The following PUM2 variants were observed in gnomAD, a reference collection of about 807,000 sequenced individuals.
PUM2 encodes pumilio RNA binding family member 2, also known as pumilio homolog 2.
PUM2 carries 57 observed loss-of-function variants against 124.5 expected under a neutral mutation model. That is an observed-to-expected ratio of 0.46 (90% CI 0.37 to 0.57). PUM2 has a LOEUF of 0.57. Among genes scored for constraint, PUM2 ranks in the 20% least tolerant of loss-of-function variants. PUM2 has a pLI of 0.00. For synonymous variants in PUM2, 460 were observed against 446.1 expected (o/e 1.03, Z -0.39); for missense variants, 1,065 against 1,290.6 (o/e 0.83, Z 2.68).
At chr2:20,277,536 A>G (rs1292313935) in intron 13 of PUM2, among the ~76,000 whole-genome samples, 1 of 152,150 alleles carries the variant, frequency 6.6e-6, no homozygotes, top group East Asian at 1.9e-4. Flanking sequence ...TGTGTGTGCA[A>G]TAATGTAAAT....
upstream of PUM2, among the ~76,000 whole-genome samples, chr2:20,351,061 C>G (rs1689287864): frequency 1.3e-5 from 2 of 152,198 alleles, no homozygotes; most frequent in Non-Finnish European, 1.5e-5. Context: ...CGGGCTCGCG[C>G]TTCCCTCCTG....
At chr2:20,259,075 G>A (rs575036998) in intron 15 of PUM2, among the ~76,000 whole-genome samples, 1 of 152,132 alleles carries the variant, frequency 6.6e-6, no homozygotes, top group Non-Finnish European at 1.5e-5. Context: ...GGAAAAAACT[G>A]TTAAAGTCAT....
rs1470322342 is a variant in PUM2 at position 20,313,860 on chromosome 2, A to AAC, written c.161-1438_161-1437insGT. ...CAAAAAAAAAAAAAAAAAAAAAAAAAGGCCAGGGGCAGTGACTCACTCCTG... is the reference window on the plus strand; with the variant it reads ...CAAAAAAAAAAAAAAAAAAAAAAAAAACGGCCAGGGGCAGTGACTCACTCCTG... On this transcript the variant is annotated intron_variant, in intron 3 of 20. Coordinates refer to ENST00000361078, the MANE Select transcript of PUM2 (RefSeq NM_015317.5). Among the ~76,000 whole-genome samples the AAC allele has an allele frequency of 1.1e-4, 16 of 143,196 alleles. 1 individual carries two copies. Among genetic ancestry groups the AAC allele is most frequent in the Middle Eastern group, 3.6e-3 (1 of 274 alleles). The allele number at this position is 143,196 out of a possible 152,430, so 93.9% of individuals were successfully genotyped here.
At chr2:20,300,500 GTTGCTGGGGGCCTTAGAATT>G (rs567256857) in intron 7 of PUM2, among the ~76,000 whole-genome samples, 491 of 152,266 alleles carry the variant, frequency 3.2e-3, no homozygotes, top group Middle Eastern at 6.8e-3. Context: ...CATTCAGATG[GTTGCTGGGGGCCTTAGAATT>G]TTATTTTGGT....
intron 2 of PUM2, among the ~76,000 whole-genome samples, chr2:20,325,409 C>A (rs1220629223): frequency 6.6e-6 from 1 of 152,088 alleles, no homozygotes; most frequent in Non-Finnish European, 1.5e-5. Flanking sequence ...TTTAACATAC[C>A]ATTCAACCCA....
At chr2:20,252,635 T>C (rs1395346569) in intron 20 of PUM2, among the ~76,000 whole-genome samples, 1 of 152,198 alleles carries the variant, frequency 6.6e-6, no homozygotes, top group African/African-American at 2.4e-5. Flanking sequence ...CTTTATAAGT[T>C]TTCCTGCTGC....
At chr2:20,281,069 A>C (rs1671396630) in intron 12 of PUM2, among the ~76,000 whole-genome samples, 1 of 152,156 alleles carries the variant, frequency 6.6e-6, no homozygotes, top group African/African-American at 2.4e-5. Context: ...AATTGCCATA[A>C]TGTGAAAAGG....
chr2:20,252,874 A>T (rs1187442157), intron 20 of PUM2, among the ~76,000 whole-genome samples: 2 of 152,222 alleles, frequency 1.3e-5, no homozygotes, highest in Admixed American at 1.3e-4. Flanking sequence ...AAATATTTTT[A>T]AAAATGACAA....
chr2:20,275,558 C>T (rs994368268), intron 13 of PUM2, among the ~76,000 whole-genome samples: 3 of 152,014 alleles, frequency 2.0e-5, no homozygotes, highest in Non-Finnish European at 4.4e-5. Context: ...TCAAAGGCTG[C>T]TAAAACCATT....
At chr2:20,286,916 G>C (rs929448610) in intron 10 of PUM2, among the ~76,000 whole-genome samples, 1 of 151,478 alleles carries the variant, frequency 6.6e-6, no homozygotes, top group Non-Finnish European at 1.5e-5. Context: ...GATCGTGCCT[G>C]ATCTCATCTG....
chr2:20,304,302 C>G (rs1280124880), intron 7 of PUM2, among the ~76,000 whole-genome samples: 2 of 152,160 alleles, frequency 1.3e-5, no homozygotes, highest in Non-Finnish European at 2.9e-5. Context: ...AGGAACTCTC[C>G]AACCAACTAC....
At chr2:20,320,353 G>A (rs1319142792) in intron 2 of PUM2, among the ~76,000 whole-genome samples, 2 of 152,106 alleles carry the variant, frequency 1.3e-5, no homozygotes, top group Non-Finnish European at 2.9e-5. Flanking sequence ...AATACAAATG[G>A]TGGGGAAGAT....
intron 2 of PUM2, among the ~76,000 whole-genome samples, chr2:20,321,906 T>C (rs911525096): frequency 2.6e-5 from 4 of 152,118 alleles, no homozygotes; most frequent in African/African-American, 9.7e-5. Flanking sequence ...GAATATACAG[T>C]GTCTTTTCCT....
intron 12 of PUM2, among the ~76,000 whole-genome samples, chr2:20,282,498 A>C (rs1013207216): frequency 6.6e-6 from 1 of 152,196 alleles, no homozygotes; most frequent in South Asian, 2.1e-4. Context: ...AAATTTAAAA[A>C]CTGTAATAAA....
In PUM2 at chr2:20,250,888, G is replaced by GT. The variant is rs1281589595; in HGVS notation, c.*696dup. ...TTTAACTCTTACAACAATTACATAT[G>GT]TAAGTATATACAATATTTCTGTACA... On this transcript the variant is annotated 3_prime_UTR_variant, in exon 21 of 21. Transcript: ENST00000361078. 2 of 152,546 alleles carry GT rather than the reference G, an allele frequency of 1.3e-5. No homozygotes were observed. The highest frequency in any genetic ancestry group is 2.9e-5 in the Non-Finnish European group (2 of 68,010). The allele number at this position is 152,546 out of a possible 1,614,324, so 9.4% of individuals were successfully genotyped here. A position where few individuals can be genotyped will look rare whatever the true frequency, so the allele number is the denominator to read the frequency against.
At chr2:20,256,416 T>A (rs1664766893) in intron 16 of PUM2, among the ~76,000 whole-genome samples, 1 of 152,218 alleles carries the variant, frequency 6.6e-6, no homozygotes, top group African/African-American at 2.4e-5. Flanking sequence ...TAAAACACAC[T>A]GCAGGATTAT....
intron 20 of PUM2, among the ~76,000 whole-genome samples, 192 bp downstream of exon 20, chr2:20,253,630 C>G (rs1247045377): frequency 6.6e-6 from 1 of 152,004 alleles, no homozygotes; most frequent in Non-Finnish European, 1.5e-5. Context: ...TGGGCAAAAG[C>G]CCCCATGCCT....
intron 7 of PUM2, among the ~76,000 whole-genome samples, chr2:20,305,659 C>T (rs1678083314): frequency 1.3e-5 from 2 of 151,796 alleles, no homozygotes; most frequent in South Asian, 2.1e-4. Context: ...ATATACAAGT[C>T]TTTTTTATTC....
At position 20,308,595 on chromosome 2, in the gene PUM2, A is replaced by G. The variant is rs1211398879; in HGVS notation, c.519-11T>C. The stretch of plus-strand genomic sequence containing the variant: ...CTTCCAGGAGTACGACTACATAAAG[A>G]AAATAGAAAAGCATTATGAATAAAA... On this transcript the variant is annotated splice_polypyrimidine_tract_variant and intron_variant, in intron 5 of 20. Transcript: ENST00000361078. The G allele has an allele frequency of 9.5e-6, 15 of 1,580,014 alleles. No individual in the cohort carries two copies. The highest frequency in any genetic ancestry group is 1.2e-5 in the Non-Finnish European group (14 of 1,165,900).
Sources: allele counts gnomAD v4.1 joint callset (sites outside exome capture counted in the v4.1 genomes callset), GRCh38; gene constraint gnomAD v4.1.1; transcripts MANE v1.5; gene names NCBI Gene and HGNC (gene_info 2026-07-23, HGNC 2026-07-21).